Variants in SPAG1 observed in about 807,000 individuals in gnomAD.
SPAG1 encodes the protein sperm-associated antigen 1.
SPAG1 carries 69 observed loss-of-function variants against 100.5 expected under a neutral mutation model. The observed-to-expected ratio is 0.69, with a 90% CI of 0.57 to 0.84. The LOEUF (loss-of-function observed/expected upper bound fraction) is 0.84. Among genes scored for constraint, SPAG1 ranks in the 40% least tolerant of loss-of-function variants. The pLI is 0.00. For synonymous variants in SPAG1, 336 were observed against 411.6 expected, an observed-to-expected ratio of 0.82 and a Z score of 2.22; for missense variants, 955 against 1,133.1, an observed-to-expected ratio of 0.84 and a Z score of 2.26.
intron 13 of SPAG1, among the ~76,000 whole-genome samples, 200 bp downstream of exon 13, chr8:100,220,631 G>A (rs1025774669): frequency 6.6e-6 from 1 of 151,922 alleles, no homozygotes; most frequent in African/African-American, 2.4e-5. Context: ...ATTCTGACTT[G>A]TCCTCTAATG....
Position 100,178,825 on chromosome 8 carries a change from G to A in SPAG1, c.426+884G>A, listed in dbSNP as rs371239647. Among the ~76,000 whole-genome samples, 60 of 152,208 alleles carry A rather than the reference G, an allele frequency of 3.9e-4. No homozygotes were observed. In the East Asian group the frequency reaches 5.2e-3, roughly 13 times the overall value. ...ATTTATTGAATAGTTGGCCAGGCAC[G>A]GTGGCTCACGCCTGTAATCCCAGCA... On this transcript the variant is annotated intron_variant, in intron 4 of 18. Transcript: ENST00000388798.
chr8:100,176,649 G>A (rs1223315608), intron 3 of SPAG1, among the ~76,000 whole-genome samples: 2 of 152,326 alleles, frequency 1.3e-5, no homozygotes, highest in East Asian at 3.9e-4. Context: ...ACAGGCGTGA[G>A]CCACCACGCC....
chr8:100,174,574 T>C (rs1816023924), intron 3 of SPAG1, among the ~76,000 whole-genome samples: 1 of 152,236 alleles, frequency 6.6e-6, no homozygotes, highest in Non-Finnish European at 1.5e-5. Context: ...ATGGTACCAA[T>C]CCTTCTTCCA....
At chr8:100,176,287 C>A (rs1816110819) in intron 3 of SPAG1, among the ~76,000 whole-genome samples, 1 of 151,670 alleles carries the variant, frequency 6.6e-6, no homozygotes, top group Non-Finnish European at 1.5e-5. Context: ...CTTCCTTTTG[C>A]TTTAAGTTGT....
At chr8:100,194,551 G>T in intron 10 of SPAG1, 1 of 523,800 alleles carries the variant, frequency 1.9e-6, no homozygotes, top group Non-Finnish European at 3.3e-6. Context: ...CAGACCATTT[G>T]CCAGTTAACT....
At chr8:100,214,655 G>A (rs752683976) in intron 12 of SPAG1, among the ~76,000 whole-genome samples, 11 of 152,172 alleles carry the variant, frequency 7.2e-5, no homozygotes, top group African/African-American at 2.6e-4. Context: ...ATGGGGTACC[G>A]AGTGATGCTT....
At chr8:100,230,156 G>A (rs900826980) in intron 14 of SPAG1, among the ~76,000 whole-genome samples, 2 of 152,174 alleles carry the variant, frequency 1.3e-5, no homozygotes, top group African/African-American at 4.8e-5. Context: ...GCTGGAGTGA[G>A]GTTTGCTTCA....
At chr8:100,198,477 C>G (rs183681515) in intron 10 of SPAG1, among the ~76,000 whole-genome samples, 1 of 152,142 alleles carries the variant, frequency 6.6e-6, no homozygotes, top group Admixed American at 6.5e-5. Context: ...AGCATACAGA[C>G]AAATCACTAA....
chr8:100,211,502 TA>T (rs1323046151), intron 10 of SPAG1, among the ~76,000 whole-genome samples: 2 of 152,200 alleles, frequency 1.3e-5, no homozygotes, highest in South Asian at 4.2e-4. Context: ...TAAAAAATTT[TA>T]AACATTAGCC....
At chr8:100,189,381 G>A (rs1340964441) in intron 8 of SPAG1, among the ~76,000 whole-genome samples, 1 of 152,124 alleles carries the variant, frequency 6.6e-6, no homozygotes, top group Non-Finnish European at 1.5e-5. Context: ...GGAGGCTGAG[G>A]CAGGAGAATC....
At chr8:100,190,368 T>G (rs1231706863) in intron 8 of SPAG1, among the ~76,000 whole-genome samples, 1 of 152,072 alleles carries the variant, frequency 6.6e-6, no homozygotes, top group African/African-American at 2.4e-5. Context: ...TGATTCTTTT[T>G]CAAAGTAATG....
chr8:100,181,832 A>G (rs945505649), intron 4 of SPAG1, among the ~76,000 whole-genome samples: 3 of 152,202 alleles, frequency 2.0e-5, no homozygotes, highest in African/African-American at 7.2e-5. Flanking sequence ...GGTCTCATTC[A>G]CAGGTACCGG....
chr8:100,220,247 C>T, intron 12 of SPAG1, 32 bp from the exon 13 acceptor site: 2 of 1,584,688 alleles, frequency 1.3e-6, no homozygotes, highest in South Asian at 2.3e-5. Flanking sequence ...TTTTTCAAAA[C>T]AAATGGTATG....
chr8:100,199,806 T>A (rs1327215522), intron 10 of SPAG1, among the ~76,000 whole-genome samples: 2 of 152,188 alleles, frequency 1.3e-5, no homozygotes, highest in African/African-American at 2.4e-5. Flanking sequence ...AAGCATTTTT[T>A]ATATATTCTA....
chr8:100,172,055 C>T (rs74493360), intron 3 of SPAG1, among the ~76,000 whole-genome samples: 7,208 of 152,080 alleles, frequency 0.047, 507 homozygotes, highest in African/African-American at 0.14. Context: ...CCACCGCGCC[C>T]AGCTAATTTT....
intron 16 of SPAG1, among the ~76,000 whole-genome samples, chr8:100,238,292 T>G (rs921227001): frequency 1.3e-5 from 2 of 152,202 alleles, no homozygotes; most frequent in Non-Finnish European, 2.9e-5. Flanking sequence ...AGGTTATCCC[T>G]TTAAATATGT....
chr8:100,171,846 T>C (rs747922329), intron 3 of SPAG1, among the ~76,000 whole-genome samples: 2 of 152,168 alleles, frequency 1.3e-5, no homozygotes, highest in African/African-American at 4.8e-5. Context: ...GGTAAGAGAG[T>C]AAATCTAGTT....
intron 8 of SPAG1, among the ~76,000 whole-genome samples, chr8:100,189,199 G>T (rs920199269): frequency 2.0e-5 from 3 of 151,944 alleles, no homozygotes; most frequent in African/African-American, 4.8e-5. Context: ...AAAATGGAGG[G>T]GTGCAGTGGC....
intron 7 of SPAG1, among the ~76,000 whole-genome samples, chr8:100,186,060 CT>C (rs71274962): frequency 1.0e-4 from 9 of 89,964 alleles, no homozygotes; most frequent in East Asian, 3.5e-4. Context: ...TGGGCAGATT[CT>C]TTTTTTTTTT....
Sources: gnomAD v4.1 joint callset for allele counts (sites outside exome capture counted in the v4.1 genomes callset) on GRCh38, gnomAD v4.1.1 for gene constraint, MANE v1.5 for transcripts, NCBI Gene and HGNC (gene_info 2026-07-23, HGNC 2026-07-21) for gene names.